TMEM120B: variants seen among roughly 807,000 people sequenced by gnomAD.
TMEM120B encodes the protein transmembrane protein 120B.
TMEM120B carries 31 observed loss-of-function variants against 55.5 expected under a neutral mutation model. That is an observed-to-expected ratio of 0.56 (90% CI 0.42 to 0.75). The LOEUF is 0.75. Ranked by LOEUF, TMEM120B falls within the 30% of genes least tolerant of loss-of-function variation. The probability of loss-of-function intolerance (pLI) is 0.00; values close to 1 mark genes in which losing one functional copy is unlikely to be tolerated. For missense variants in TMEM120B, 399 were observed against 425.5 expected (o/e 0.94, Z 0.55); for synonymous variants, 203 against 176.3 (o/e 1.15, Z -1.20).
At chr12:121,774,981 G>A in intron 10 of TMEM120B, 81 bp from the exon 11 acceptor site, 1 of 1,492,890 alleles carries the variant, frequency 6.7e-7, no homozygotes, top group South Asian at 1.2e-5. Flanking sequence ...AGTTGGGTGA[G>A]GGGCCTGGCC....
rs1400042336 is a variant in TMEM120B, at chr12:121,769,193, G to A, written c.552-1714G>A. Among the ~76,000 whole-genome samples, 5 of 151,964 alleles carry A rather than the reference G, an allele frequency of 3.3e-5. No individual in the cohort carries two copies. In the East Asian group the frequency reaches 9.7e-4, roughly 29 times the overall value. ...AAAAAACCCCAAAAAACCCAGCTGG[G>A]GGAGTGCTGAGTTCTGGAAACAGAG... On this transcript the variant is annotated intron_variant, in intron 6 of 11. Coordinates refer to ENST00000449592, the MANE Select transcript of TMEM120B (RefSeq NM_001080825.2).
At chr12:121,763,430 G>T (rs964150423) in intron 6 of TMEM120B, among the ~76,000 whole-genome samples, 8 of 151,818 alleles carry the variant, frequency 5.3e-5, no homozygotes, top group African/African-American at 1.9e-4. Context: ...CCAAAGTGCT[G>T]GGATTACAGG....
rs942500015 is a variant in TMEM120B, at chr12:121,776,206, C to T, written c.*484C>T. On this transcript the variant is annotated 3_prime_UTR_variant, in exon 12 of 12. Coordinates refer to ENST00000449592, the MANE Select transcript of TMEM120B (RefSeq NM_001080825.2). ...CTGCTTCTGCTGTGAGCCCCCTCCTCGCCCACCCCGCCACGTGGTGAGGGT... is the reference window on the plus strand; with the variant it reads ...CTGCTTCTGCTGTGAGCCCCCTCCTTGCCCACCCCGCCACGTGGTGAGGGT... The T allele has an allele frequency of 6.3e-5, 18 of 284,138 alleles. No homozygotes were observed. In the South Asian group the frequency reaches 8.1e-4, roughly 13 times the overall value. 17.6% of individuals were successfully genotyped at this position (284,138 alleles called of 1,614,324 possible).
chr12:121,727,696 A>G (rs1894922242), intron 1 of TMEM120B, among the ~76,000 whole-genome samples: 1 of 151,274 alleles, frequency 6.6e-6, no homozygotes, highest in Admixed American at 6.6e-5. Context: ...ACACGGTGAA[A>G]CCCTGTCTTT....
At chr12:121,733,973 C>T (rs575197362) in intron 1 of TMEM120B, among the ~76,000 whole-genome samples, 9 of 152,302 alleles carry the variant, frequency 5.9e-5, no homozygotes, top group South Asian at 4.1e-4. Context: ...GTATAAGCTA[C>T]GCTGCTGTCA....
rs182156761 is a variant in TMEM120B at position 121,718,461 on chromosome 12, G to T, written c.69+5497G>T. On this transcript the variant is annotated intron_variant, in intron 1 of 11. Coordinates refer to ENST00000449592, the MANE Select transcript of TMEM120B (RefSeq NM_001080825.2). ...GCGGAGGTTGCAGTGAGCCAAGATC[G>T]TGCCAGGGTACTCCAGCCTGGGTGA... 2.1e-3 allele frequency among the ~76,000 whole-genome samples: 316 copies of T among 152,272 alleles called. 4 individuals carry two copies. The highest frequency in any genetic ancestry group is 1.9e-3 in the Non-Finnish European group (128 of 68,016).
chr12:121,716,482 T>G (rs1422044708), intron 1 of TMEM120B, among the ~76,000 whole-genome samples: 1 of 152,026 alleles, frequency 6.6e-6, no homozygotes, highest in Non-Finnish European at 1.5e-5. Flanking sequence ...GGGTTTCATA[T>G]TTGTATCTCA....
At chr12:121,766,825 A>G (rs980957532) in intron 6 of TMEM120B, among the ~76,000 whole-genome samples, 24 of 152,206 alleles carry the variant, frequency 1.6e-4, no homozygotes, top group Admixed American at 1.6e-3. Flanking sequence ...GGCCAGAATG[A>G]GTAATGACTC....
Position 121,781,312 on chromosome 12 carries a change from C to G in TMEM120B, c.*5590C>G. Reference sequence around the variant, plus strand: ...TAGGGCCTCAATTTCCTCATCTATACAATGGGCAGCAAGCCAGGAGTGCTG... The same window carrying G: ...TAGGGCCTCAATTTCCTCATCTATAGAATGGGCAGCAAGCCAGGAGTGCTG... On this transcript the variant is annotated 3_prime_UTR_variant, in exon 12 of 12. Coordinates refer to ENST00000449592, the MANE Select transcript of TMEM120B (RefSeq NM_001080825.2). 1 of 804,214 alleles carries G rather than the reference C, an allele frequency of 1.2e-6. No individual in the cohort carries two copies. Among genetic ancestry groups the G allele is most frequent in the Non-Finnish European group, 2.0e-6 (1 of 503,548 alleles). 49.8% of individuals were successfully genotyped at this position (804,214 alleles called of 1,614,324 possible). A position where few individuals can be genotyped will look rare whatever the true frequency, so the allele number is the denominator to read the frequency against.
chr12:121,747,180 A>T (rs1275572177), intron 2 of TMEM120B, among the ~76,000 whole-genome samples: 1 of 151,830 alleles, frequency 6.6e-6, no homozygotes, highest in Non-Finnish European at 1.5e-5. Flanking sequence ...AAGTCACAAG[A>T]CTACCTGGGA....
At chr12:121,765,383 G>A (rs1223868453) in intron 6 of TMEM120B, among the ~76,000 whole-genome samples, 2 of 152,072 alleles carry the variant, frequency 1.3e-5, no homozygotes, top group Non-Finnish European at 2.9e-5. Context: ...GCTCACCTCG[G>A]CCTTCTGAAG....
In TMEM120B at chr12:121,779,442, C is replaced by A; in HGVS notation, c.*3720C>A. On this transcript the variant is annotated 3_prime_UTR_variant, in exon 12 of 12. Transcript: ENST00000449592. ...GATGGGGCAGCCTCCCTGGTGCAATCGGCACCTGGGCCCCCGGGCCCTGTC... is the reference window on the plus strand; with the variant it reads ...GATGGGGCAGCCTCCCTGGTGCAATAGGCACCTGGGCCCCCGGGCCCTGTC... The A allele has an allele frequency of 2.5e-6, 4 of 1,579,916 alleles. No homozygotes were observed. In the South Asian group the frequency reaches 3.3e-5, roughly 13 times the overall value.
chr12:121,751,451 G>T (rs929784542), intron 4 of TMEM120B, among the ~76,000 whole-genome samples: 50 of 139,064 alleles, frequency 3.6e-4, no homozygotes, highest in African/African-American at 1.3e-3. Context: ...CCCGTCTCAC[G>T]CTTTTCACCT....
intron 1 of TMEM120B, among the ~76,000 whole-genome samples, chr12:121,731,332 A>C (rs1894999249): frequency 6.6e-6 from 1 of 152,114 alleles, no homozygotes; most frequent in Admixed American, 6.6e-5. Context: ...GCTCACTGCA[A>C]CGTCTGCCTC....
intron 1 of TMEM120B, among the ~76,000 whole-genome samples, chr12:121,716,279 G>C (rs1057110821): frequency 6.7e-6 from 1 of 150,006 alleles, no homozygotes; most frequent in Non-Finnish European, 1.5e-5. Flanking sequence ...CTGTACTCTA[G>C]CCTGGGTGAC....
chr12:121,752,205 G>A lies in TMEM120B; in HGVS notation c.443G>A (p.Arg148Gln), dbSNP rs201834940. 6.7e-5 allele frequency: 108 copies of A among 1,613,648 alleles called. No individual in the cohort carries two copies. The highest frequency in any genetic ancestry group is 8.9e-5 in the Non-Finnish European group (105 of 1,179,914). Residue 148 changes from arginine to glutamine, a missense_variant, in exon 5 of 12, where the codon CGA becomes CAA. Transcript: ENST00000449592. Reference protein sequence around the residue: ...IILLLGAVACRFVLHYRVTDE... With the variant: ...IILLLGAVACQFVLHYRVTDE... The stretch of plus-strand genomic sequence containing the variant: ...CTGCTCCTGGGTGCCGTGGCATGTC[G>A]ATTTGTCCTTCACTACAGGTAGTGG...
intron 6 of TMEM120B, among the ~76,000 whole-genome samples, chr12:121,763,253 C>T (rs1392741295): frequency 9.9e-5 from 15 of 151,384 alleles, no homozygotes; most frequent in African/African-American, 3.2e-4. Context: ...ACCTCCGCCT[C>T]CCGGGTTCAC....
rs35474958 is a variant in TMEM120B, at chr12:121,778,450, CA to C, written c.*2749del. 825 of 90,860 alleles carry C rather than the reference CA, an allele frequency of 9.1e-3. 7 individuals are homozygous for C. The highest frequency in any genetic ancestry group is 0.016 in the African/African-American group (409 of 25,980). The allele number at this position is 90,860 out of a possible 1,614,324, so 5.6% of individuals were successfully genotyped here. ...TGAGTGACAGAATGAGACTCTGTCC[CA>C]AAAAAAAAAAAAAAAAAAAATTCCC... On this transcript the variant is annotated 3_prime_UTR_variant, in exon 12 of 12. Coordinates refer to ENST00000449592, the MANE Select transcript of TMEM120B (RefSeq NM_001080825.2).
At chr12:121,738,185 GGAGGCA>G (rs1224181987) in intron 1 of TMEM120B, among the ~76,000 whole-genome samples, 1 of 152,018 alleles carries the variant, frequency 6.6e-6, no homozygotes, top group Non-Finnish European at 1.5e-5. Context: ...CTTGAACCCA[GGAGGCA>G]GAGGTTGCAG....
Sources: allele counts gnomAD v4.1 joint callset (sites outside exome capture counted in the v4.1 genomes callset), GRCh38; gene constraint gnomAD v4.1.1; transcripts MANE v1.5; gene names NCBI Gene and HGNC (gene_info 2026-07-23, HGNC 2026-07-21).